ARMC3: variants seen among roughly 807,000 people sequenced by gnomAD.
ARMC3 encodes the protein armadillo repeat-containing protein 3.
A neutral mutation model predicts 90.3 loss-of-function variants in ARMC3; 74 were observed. The ratio of observed to expected loss-of-function variants is 0.82; its 90% confidence interval spans 0.68 to 0.99. The LOEUF is 0.99. Ranked by LOEUF, ARMC3 falls within the 50% of genes least tolerant of loss-of-function variation. The pLI is 0.00. For missense variants in ARMC3, 958 were observed against 1,042.8 expected (o/e 0.92, Z 1.12); for synonymous variants, 334 against 361.8 (o/e 0.92, Z 0.87).
intron 2 of ARMC3, among the ~76,000 whole-genome samples, chr10:22,935,790 C>G (rs755514653): frequency 1.4e-4 from 22 of 152,244 alleles, no homozygotes; most frequent in Middle Eastern, 6.8e-3. Flanking sequence ...ATAAAGTAAA[C>G]TAAAAGGTAT....
intron 2 of ARMC3, 37 bp from the exon 3 acceptor site, chr10:22,946,107 C>T (rs1029748955): frequency 1.0e-5 from 14 of 1,381,906 alleles, no homozygotes; most frequent in East Asian, 2.3e-5. Context: ...TTTTAAAGCT[C>T]ATATGTGAAA....
intron 8 of ARMC3, among the ~76,000 whole-genome samples, chr10:22,976,691 C>A (rs1004734884): frequency 6.6e-6 from 1 of 152,192 alleles, no homozygotes; most frequent in African/African-American, 2.4e-5. Context: ...AATCCCAAAT[C>A]TGTTTCTAAT....
Position 23,002,956 on chromosome 10 carries a change from G to C in ARMC3, c.1563-290G>C, listed in dbSNP as rs138948632. On this transcript the variant is annotated intron_variant, in intron 12 of 18. Coordinates refer to ENST00000298032, the MANE Select transcript of ARMC3 (RefSeq NM_173081.5). ...CTTTGCATATATTGTCTAGTTAGAT[G>C]AAAAAGTTGAGGTCCAATACTAATT... Among the ~76,000 whole-genome samples, 7 of 152,232 alleles carry C rather than the reference G, an allele frequency of 4.6e-5. No homozygotes were observed. In the East Asian group the frequency reaches 1.4e-3, roughly 29 times the overall value.
chr10:22,989,374 A>G (rs983032639), intron 10 of ARMC3, among the ~76,000 whole-genome samples: 1 of 152,202 alleles, frequency 6.6e-6, no homozygotes, highest in Non-Finnish European at 1.5e-5. Context: ...CTTCTGTGCT[A>G]TATAACCAGA....
intron 16 of ARMC3, among the ~76,000 whole-genome samples, chr10:23,010,666 C>T (rs1483095660): frequency 2.3e-5 from 3 of 129,956 alleles, no homozygotes; most frequent in Non-Finnish European, 3.3e-5. Flanking sequence ...CCTCTCCTCT[C>T]CTTCCTTTCC....
intron 8 of ARMC3, among the ~76,000 whole-genome samples, chr10:22,974,933 C>A (rs1328824678): frequency 0.083 from 6 of 72 alleles, no homozygotes; most frequent in Non-Finnish European, 0.13. Flanking sequence ...TGAGCCCCAC[C>A]CTGGCCAAGA....
Position 23,003,257 on chromosome 10 carries a change from T to A in ARMC3, c.1574T>A (p.Ile525Asn), listed in dbSNP as rs761648199. 6.2e-7 allele frequency: 1 copy of A among 1,612,458 alleles called. No homozygotes were observed. Among genetic ancestry groups the A allele is most frequent in the Non-Finnish European group, 8.5e-7 (1 of 1,179,474 alleles). ...NELCRLGALD[I>N]LEEVNVSGTR... Reference sequence around the variant, plus strand: ...GCTTTTATTGACAGGGCTTTAGATATCCTTGAAGAAGTTAACGTATCAGGA... The same window carrying A: ...GCTTTTATTGACAGGGCTTTAGATAACCTTGAAGAAGTTAACGTATCAGGA... Residue 525 changes from isoleucine (I) to asparagine (N), a missense_variant, in exon 13 of 19, where the codon ATC (isoleucine) becomes AAC (asparagine). Ile to Asn is a moderately radical substitution (Grantham distance 149). Transcript: ENST00000298032.
intron 2 of ARMC3, among the ~76,000 whole-genome samples, chr10:22,936,869 C>T (rs969010054): frequency 1.3e-5 from 2 of 152,124 alleles, no homozygotes; most frequent in Admixed American, 6.6e-5. Context: ...CTCTTACAGT[C>T]TCAAGCTTCC....
rs532720176 is a variant in ARMC3 at position 22,937,421 on chromosome 10, G to C, written c.48+5377G>C. ...CTTTAAAAATATAGAAACATGTGAGGTCTCTGGGGTGAAAGTTCCAAGAGG... is the reference window on the plus strand; with the variant it reads ...CTTTAAAAATATAGAAACATGTGAGCTCTCTGGGGTGAAAGTTCCAAGAGG... On this transcript the variant is annotated intron_variant, in intron 2 of 18. Transcript: ENST00000298032. Among the ~76,000 whole-genome samples, 3 of 152,242 alleles carry C rather than the reference G, an allele frequency of 2.0e-5. No individual in the cohort carries two copies. In the East Asian group the frequency reaches 5.8e-4, roughly 29 times the overall value.
At position 23,033,000 on chromosome 10, in the gene ARMC3, T is replaced by C. The variant is rs1588945564; in HGVS notation, c.2386T>C (p.Tyr796His). 1.9e-6 allele frequency: 3 copies of C among 1,612,852 alleles called. No homozygotes were observed. The highest frequency in any genetic ancestry group is 4.5e-5 in the East Asian group (2 of 44,756). ...PIGHVKKGIF[Y>H]HRALLFKALA... is the part of the protein sequence containing the mutation. ...TGGACATGTCAAAAAAGGAATCTTC[T>C]ACCATCGAGCTTTGCTTTTCAAGGT... is the stretch of plus-strand genomic sequence containing the variant. Residue 796 changes from tyrosine (Y) to histidine (H), a missense_variant, in exon 18 of 19, where the codon TAC becomes CAC. By Grantham distance (83) the Tyr-to-His change is moderately conservative. Coordinates refer to ENST00000298032, the MANE Select transcript of ARMC3 (RefSeq NM_173081.5).
At chr10:22,953,700 G>T (rs1267115645) in intron 3 of ARMC3, among the ~76,000 whole-genome samples, 1 of 152,120 alleles carries the variant, frequency 6.6e-6, no homozygotes, top group Non-Finnish European at 1.5e-5. Flanking sequence ...GCAAGGAAAA[G>T]AAATAGAAGG....
chr10:22,940,957 T>A (rs1834304501), intron 2 of ARMC3, among the ~76,000 whole-genome samples: 1 of 152,120 alleles, frequency 6.6e-6, no homozygotes, highest in Non-Finnish European at 1.5e-5. Flanking sequence ...CAGAGGTCTA[T>A]CAACAGTTGA....
chr10:22,969,946 G>T (rs1835612171), intron 8 of ARMC3, among the ~76,000 whole-genome samples: 1 of 152,100 alleles, frequency 6.6e-6, no homozygotes, highest in Non-Finnish European at 1.5e-5. Context: ...TGGTACTAGA[G>T]TTCTAGTACT....
At chr10:22,975,387 A>AC (rs1835876201) in intron 8 of ARMC3, among the ~76,000 whole-genome samples, 1 of 152,090 alleles carries the variant, frequency 6.6e-6, no homozygotes, top group African/African-American at 2.4e-5. Context: ...AAACCGTGAA[A>AC]CCCCATCTCT....
At chr10:22,981,837 T>C in intron 10 of ARMC3, 137 bp downstream of exon 10, 1 of 726,632 alleles carries the variant, frequency 1.4e-6, no homozygotes, top group African/African-American at 1.8e-5. Flanking sequence ...TTCTTCAGAA[T>C]CCCTTATGAA....
chr10:22,959,681 A>T, intron 6 of ARMC3, 107 bp downstream of exon 6: 3 of 1,097,602 alleles, frequency 2.7e-6, no homozygotes, highest in Non-Finnish European at 3.8e-6. Context: ...TTGCATCATC[A>T]GATCTTCTTG....
intron 8 of ARMC3, among the ~76,000 whole-genome samples, chr10:22,970,610 G>A (rs1335685280): frequency 6.6e-6 from 1 of 152,226 alleles, no homozygotes; most frequent in African/African-American, 2.4e-5. Context: ...GGGGGTTGCT[G>A]TAGTAATCTA....
chr10:23,016,229 CT>C (rs1307478077), intron 16 of ARMC3, among the ~76,000 whole-genome samples: 2 of 152,206 alleles, frequency 1.3e-5, no homozygotes, highest in African/African-American at 4.8e-5. Flanking sequence ...ACAAAATCTT[CT>C]TGCTTAAATT....
chr10:22,990,548 C>T (rs1225790581), intron 10 of ARMC3, among the ~76,000 whole-genome samples: 1 of 152,114 alleles, frequency 6.6e-6, no homozygotes, highest in Non-Finnish European at 1.5e-5. Flanking sequence ...TAAGCTAAGT[C>T]CTTGAGTGGA....
Sources: gnomAD v4.1 joint callset for allele counts (sites outside exome capture counted in the v4.1 genomes callset) on GRCh38, gnomAD v4.1.1 for gene constraint, MANE v1.5 for transcripts, NCBI Gene and HGNC (gene_info 2026-07-23, HGNC 2026-07-21) for gene names.